Variants in ZNF577 observed in about 807,000 individuals in gnomAD.
ZNF577 encodes the protein zinc finger protein 577.
A neutral mutation model predicts 13.9 loss-of-function variants in ZNF577; 14 were observed. That is an observed-to-expected ratio of 1.00 (90% CI 0.66 to 1.57). ZNF577 has a LOEUF of 1.57. Among genes scored for constraint, ZNF577 ranks in the 40% most tolerant of loss-of-function variants. The pLI, the probability that ZNF577 is intolerant of heterozygous loss-of-function variation, is 0.00. For missense variants in ZNF577, 555 were observed against 579.2 expected, an observed-to-expected ratio of 0.96 and a Z score of 0.43; for synonymous variants, 203 against 202.9, an observed-to-expected ratio of 1.00 and a Z score of 0.00.
chr19:51,806,556 G>A (rs573279114), intron 10 of ZNF577, among the ~76,000 whole-genome samples: 73 of 152,274 alleles, frequency 4.8e-4, no homozygotes, highest in African/African-American at 1.6e-3. Context: ...TTCAACATTC[G>A]TTGTAATGTT....
In ZNF577 at chr19:51,867,260, A is replaced by G. The variant is rs1164009384; in HGVS notation, c.*5272T>C. On this transcript the variant is annotated 3_prime_UTR_variant, in exon 6 of 6. Coordinates refer to ENST00000638348, the MANE Select transcript of ZNF577 (RefSeq NM_001370449.1). ...AGTCATTGGAAAGAAAGGCAAAAGA[A>G]AGAAGCAAAACCTCACCGGGGCTTT... is the stretch of plus-strand genomic sequence containing the variant. Among the ~76,000 whole-genome samples the G allele has an allele frequency of 6.6e-6, 1 of 152,218 alleles. No individual in the cohort carries two copies. Among genetic ancestry groups the G allele is most frequent in the Non-Finnish European group, 1.5e-5 (1 of 68,046 alleles).
At chr19:51,827,925 T>C (rs2084240190) in intron 9 of ZNF577, among the ~76,000 whole-genome samples, 1 of 135,486 alleles carries the variant, frequency 7.4e-6, no homozygotes, top group South Asian at 2.7e-4. Flanking sequence ...CATTTTCTTC[T>C]CCTTTTCCCT....
intron 9 of ZNF577, among the ~76,000 whole-genome samples, chr19:51,834,338 T>A (rs1329219373): frequency 1.3e-5 from 2 of 152,142 alleles, no homozygotes; most frequent in Non-Finnish European, 2.9e-5. Context: ...AAAAGCACAA[T>A]CAAGTAACCT....
Position 51,873,433 on chromosome 19 carries a change from T to C in ZNF577, c.557A>G (p.His186Arg), listed in dbSNP as rs374597524. The C allele has an allele frequency of 3.1e-6, 5 of 1,614,200 alleles. No homozygotes were observed. The highest frequency in any genetic ancestry group is 1.3e-5 in the African/African-American group (1 of 75,048). The change falls in exon 6 of 6, where the codon CAT becomes CGT. Residue 186 changes from histidine (H) to arginine (R), a missense_variant. His to Arg is a conservative substitution (Grantham distance 29). Transcript: ENST00000638348. The part of the protein sequence containing the change: ...HQRTERGEKP[H>R]GCGECGKTFM... ...TGTTTTCCCACATTCACCACATCCA[T>C]GGGGTTTCTCTCCTCTTTCAGTTCT...
At chr19:51,825,562 CAA>C (rs1437549960) in intron 9 of ZNF577, 1 of 167,088 alleles carries the variant, frequency 6.0e-6, no homozygotes, top group African/African-American at 2.4e-5. Flanking sequence ...AACATTATAA[CAA>C]AGGACTGTAG....
chr19:51,879,144 C>A (rs146228672), intron 3 of ZNF577, among the ~76,000 whole-genome samples: 1 of 151,604 alleles, frequency 6.6e-6, no homozygotes, highest in Admixed American at 6.6e-5. Flanking sequence ...GTAGTCCCAG[C>A]GACTTGGGAG....
chr19:51,812,875 T>C (rs113880776), intron 9 of ZNF577, among the ~76,000 whole-genome samples: 11,480 of 152,122 alleles, frequency 0.075, 1,134 homozygotes, highest in African/African-American at 0.23. Flanking sequence ...AATCTCAGCA[T>C]TTTGAGAGTC....
At chr19:51,810,609 T>G (rs2084089614) in intron 10 of ZNF577, among the ~76,000 whole-genome samples, 1 of 152,210 alleles carries the variant, frequency 6.6e-6, no homozygotes, top group Non-Finnish European at 1.5e-5. Flanking sequence ...GCAACATGGT[T>G]CTGTTTAGCC....
chr19:51,838,918 T>C (rs1030121473), intron 9 of ZNF577, among the ~76,000 whole-genome samples: 1 of 152,066 alleles, frequency 6.6e-6, no homozygotes, highest in Non-Finnish European at 1.5e-5. Flanking sequence ...TAAATTCATA[T>C]AGGAAAACGA....
At chr19:51,873,935 G>A (rs1222417785) in intron 5 of ZNF577, among the ~76,000 whole-genome samples, 1 of 152,156 alleles carries the variant, frequency 6.6e-6, no homozygotes, top group Non-Finnish European at 1.5e-5. Context: ...AATTTTTTGT[G>A]GAGGTGGCAG....
chr19:51,885,292 C>T (rs1599880708), intron 1 of ZNF577, among the ~76,000 whole-genome samples: 1 of 152,270 alleles, frequency 6.6e-6, no homozygotes, highest in East Asian at 1.9e-4. Context: ...CAGACAAGAC[C>T]ATTTAGCCGG....
chr19:51,807,040 T>C (rs2084063834), intron 10 of ZNF577, among the ~76,000 whole-genome samples: 1 of 152,228 alleles, frequency 6.6e-6, no homozygotes, highest in African/African-American at 2.4e-5. Flanking sequence ...ATGTTGATTG[T>C]AGCCTGCCAC....
At chr19:51,807,002 A>C (rs2084063504) in intron 10 of ZNF577, among the ~76,000 whole-genome samples, 1 of 152,256 alleles carries the variant, frequency 6.6e-6, no homozygotes, top group Non-Finnish European at 1.5e-5. Context: ...AATCATTTAA[A>C]GTCTGTAACC....
chr19:51,810,269 C>T (rs2084087344), intron 10 of ZNF577, among the ~76,000 whole-genome samples: 1 of 152,184 alleles, frequency 6.6e-6, no homozygotes, highest in African/African-American at 2.4e-5. Context: ...GTTTTTTATA[C>T]ACCTCACCAG....
At position 51,870,775 on chromosome 19, in the gene ZNF577, G is replaced by C. The variant is rs1482172236; in HGVS notation, c.*1757C>G. On this transcript the variant is annotated 3_prime_UTR_variant, in exon 6 of 6. Transcript: ENST00000638348. ...CCTAAACTCTGTCTCAATTCAGAGA[G>C]ATGGCTGGGATCTGCTTGGGTTTCT... 1.3e-5 allele frequency among the ~76,000 whole-genome samples: 2 copies of C among 152,098 alleles called. No individual in the cohort carries two copies. The highest frequency in any genetic ancestry group is 4.8e-5 in the African/African-American group (2 of 41,422).
At chr19:51,843,101 A>G (rs2084329973) in intron 7 of ZNF577, 1 of 152,242 alleles carries the variant, frequency 6.6e-6, no homozygotes, top group African/African-American at 2.4e-5. Flanking sequence ...AAAATCATTG[A>G]GGATATCAGA....
chr19:51,882,648 GT>G (rs1373840373), intron 1 of ZNF577, among the ~76,000 whole-genome samples: 1 of 152,020 alleles, frequency 6.6e-6, no homozygotes, highest in African/African-American at 2.4e-5. Flanking sequence ...GCCAGGCATG[GT>G]GGTGCATGCA....
intron 5 of ZNF577, among the ~76,000 whole-genome samples, chr19:51,875,650 T>TTC (rs780963853): frequency 6.6e-6 from 1 of 152,198 alleles, no homozygotes; most frequent in Non-Finnish European, 1.5e-5. Flanking sequence ...TGTGGCTGGG[T>TTC]TCTCCTCTTT....
At chr19:51,819,924 C>T (rs182952981) in intron 9 of ZNF577, among the ~76,000 whole-genome samples, 1 of 151,936 alleles carries the variant, frequency 6.6e-6, no homozygotes, top group African/African-American at 2.4e-5. Flanking sequence ...AGGACAAATA[C>T]CATTTCTTGG....
Sources: allele counts gnomAD v4.1 joint callset (sites outside exome capture counted in the v4.1 genomes callset), GRCh38; gene constraint gnomAD v4.1.1; transcripts MANE v1.5; gene names NCBI Gene and HGNC (gene_info 2026-07-23, HGNC 2026-07-21).